ZNF440: variants seen among roughly 807,000 people sequenced by gnomAD.
ZNF440 encodes zinc finger protein 440.
ZNF440 carries 47 observed loss-of-function variants against 49.7 expected under a neutral mutation model. The ratio of observed to expected loss-of-function variants is 0.95; its 90% CI spans 0.75 to 1.21. ZNF440 has a LOEUF of 1.21. ZNF440 is among the 50% of genes most tolerant of loss of function. ZNF440 has a pLI of 0.00. For missense variants in ZNF440, 703 were observed against 715.0 expected, an observed-to-expected ratio of 0.98 and a Z score of 0.19; for synonymous variants, 255 against 237.7, an observed-to-expected ratio of 1.07 and a Z score of -0.67.
intron 1 of ZNF440, among the ~76,000 whole-genome samples, chr19:11,824,382 A>T (rs1196588622): frequency 6.6e-6 from 1 of 152,170 alleles, no homozygotes; most frequent in Non-Finnish European, 1.5e-5. Flanking sequence ...AGAATTGCAC[A>T]ATGAATTCAA....
intron 1 of ZNF440, among the ~76,000 whole-genome samples, chr19:11,821,843 A>AG (rs1402342048): frequency 6.6e-6 from 1 of 152,248 alleles, no homozygotes; most frequent in Non-Finnish European, 1.5e-5. Context: ...TGCGTAGGTC[A>AG]GTGAGACACA....
At chr19:11,824,672 T>G (rs2145123572) in intron 1 of ZNF440, among the ~76,000 whole-genome samples, 1 of 152,046 alleles carries the variant, frequency 6.6e-6, no homozygotes, top group East Asian at 1.9e-4. Flanking sequence ...AGTTCCAGCA[T>G]TTTTATTCCA....
At chr19:11,822,846 A>T (rs1253565839) in intron 1 of ZNF440, among the ~76,000 whole-genome samples, 2 of 83,212 alleles carry the variant, frequency 2.4e-5, no homozygotes, top group Non-Finnish European at 2.6e-5. Context: ...AAACTCCGTT[A>T]AAAAAAAAAA....
In ZNF440 at chr19:11,834,004, G is replaced by T. The variant is rs971341437; in HGVS notation, c.*1040G>T. On this transcript the variant is annotated 3_prime_UTR_variant, in exon 4 of 4. Coordinates refer to ENST00000304060, the MANE Select transcript of ZNF440 (RefSeq NM_152357.3). ...TAGATCAGCCTTATACTGTTAAATT[G>T]TTATTATTTGGACATTGTGAGTCAG... 1.2e-5 allele frequency: 3 copies of T among 258,528 alleles called. No individual in the cohort carries two copies. The highest frequency in any genetic ancestry group is 1.6e-5 in the Non-Finnish European group (2 of 128,496). The allele number at this position is 258,528 out of a possible 1,614,324, so 16.0% of individuals were successfully genotyped here.
At chr19:11,817,421 C>A (rs539666992) in intron 1 of ZNF440, 251 of 152,022 alleles carry the variant, frequency 1.7e-3, no homozygotes, top group Middle Eastern at 6.8e-3. Context: ...TATAGTGAAA[C>A]CCCATCTCTT....
chr19:11,820,056 G>C (rs1376025512), intron 1 of ZNF440, among the ~76,000 whole-genome samples: 1 of 152,166 alleles, frequency 6.6e-6, no homozygotes, highest in Non-Finnish European at 1.5e-5. Context: ...CACATGAGAG[G>C]AAAGCAGAGA....
chr19:11,824,812 A>G (rs1010357240), intron 1 of ZNF440, among the ~76,000 whole-genome samples: 7 of 150,890 alleles, frequency 4.6e-5, no homozygotes, highest in Non-Finnish European at 7.4e-5. Flanking sequence ...GGTTCTAGCA[A>G]TCCTTCTGCC....
chr19:11,831,387 G>A lies in ZNF440; in HGVS notation c.211G>A (p.Val71Ile). 1 of 1,608,010 alleles carries A rather than the reference G, an allele frequency of 6.2e-7. No homozygotes were observed. Among genetic ancestry groups the A allele is most frequent in the African/African-American group, 1.3e-5 (1 of 74,438 alleles). Residue 71 changes from valine (V) to isoleucine (I), a missense_variant, in exon 4 of 4, where the codon GTC becomes ATC. Physicochemically the swap from Val to Ile is conservative, Grantham distance 29 (BLOSUM62 3). Transcript: ENST00000304060. ...TGACAGGAGTCTCATAGAAGAAAAAGTCAATGAAATTAAAGATGACAGTCA... is the reference window on the plus strand; with the variant it reads ...TGACAGGAGTCTCATAGAAGAAAAAATCAATGAAATTAAAGATGACAGTCA... ...RNFRSLIEEK[V>I]NEIKDDSHCG...
In ZNF440 at chr19:11,834,998, G is replaced by A. The variant is rs1188913375; in HGVS notation, c.*2034G>A. On this transcript the variant is annotated 3_prime_UTR_variant, in exon 4 of 4. Coordinates refer to ENST00000304060, the MANE Select transcript of ZNF440 (RefSeq NM_152357.3). ...GAATATAGGAAGCAGAGGTTGCAGT[G>A]AGCCGAGGTTGCACCATTGTACTCC... 6.6e-6 allele frequency: 1 copy of A among 152,154 alleles called. No individual in the cohort carries two copies. Among genetic ancestry groups the A allele is most frequent in the Non-Finnish European group, 1.5e-5 (1 of 68,100 alleles). The allele number at this position is 152,154 out of a possible 1,614,324, so 9.4% of individuals were successfully genotyped here.
intron 1 of ZNF440, among the ~76,000 whole-genome samples, chr19:11,820,451 C>T (rs971774223): frequency 1.3e-5 from 2 of 152,132 alleles, no homozygotes; most frequent in African/African-American, 4.8e-5. Flanking sequence ...ATCTCTTGAC[C>T]TTGTGATCCG....
intron 1 of ZNF440, 161 bp from the exon 2 acceptor site, chr19:11,830,121 TG>T: frequency 7.1e-7 from 1 of 1,401,708 alleles, no homozygotes; most frequent in African/African-American, 1.5e-5. Flanking sequence ...AGTTGCTTTG[TG>T]GAAGAAAGTA....
chr19:11,820,535 T>C (rs1444925639), intron 1 of ZNF440, among the ~76,000 whole-genome samples: 1 of 152,124 alleles, frequency 6.6e-6, no homozygotes, highest in Non-Finnish European at 1.5e-5. Flanking sequence ...CACCCTCCTG[T>C]CTTTTCCAGG....
Position 11,814,538 on chromosome 19 carries a change from C to G in ZNF440, c.3+88C>G, listed in dbSNP as rs968395744. On this transcript the variant is annotated intron_variant, in intron 1 of 3. Transcript: ENST00000304060. ...CTGAGGCGGGACCCGGGCCTCCACG[C>G]GGCGACTCCGGGGTCGTGGACGCGA... The G allele has an allele frequency of 1.4e-5, 19 of 1,346,294 alleles. No homozygotes were observed. In the African/African-American group the frequency reaches 2.9e-4, roughly 21 times the overall value. The allele number at this position is 1,346,294 out of a possible 1,614,324, so 83.4% of individuals were successfully genotyped here.
chr19:11,820,253 G>T (rs1975782115), intron 1 of ZNF440, among the ~76,000 whole-genome samples: 1 of 152,088 alleles, frequency 6.6e-6, no homozygotes, highest in South Asian at 2.1e-4. Flanking sequence ...GTCTCACTCT[G>T]TCGCCCAGGC....
chr19:11,821,345 A>T (rs1274549631), intron 1 of ZNF440, among the ~76,000 whole-genome samples: 1 of 151,908 alleles, frequency 6.6e-6, no homozygotes, highest in African/African-American at 2.4e-5. Context: ...CTCCTAGTAT[A>T]CTCTGCATCT....
rs112631754 is a variant in ZNF440, at chr19:11,825,791, CT to C, written c.4-4482del. 1.2e-4 allele frequency among the ~76,000 whole-genome samples: 14 copies of C among 117,552 alleles called. No homozygotes were observed. The East Asian group carries it at 1.5e-3, about 13-fold the overall frequency. The allele number at this position is 117,552 out of a possible 152,430, so 77.1% of individuals were successfully genotyped here. The stretch of plus-strand genomic sequence containing the variant: ...GCCACCATGTCCGGCCACTGATTTT[CT>C]TTTTTTTTTCTTTTCTTTTCTTTTC... On this transcript the variant is annotated intron_variant, in intron 1 of 3. Transcript: ENST00000304060.
chr19:11,829,801 C>A (rs1975910682), intron 1 of ZNF440, among the ~76,000 whole-genome samples: 2 of 151,190 alleles, frequency 1.3e-5, no homozygotes, highest in African/African-American at 4.9e-5. Context: ...CCACTACACT[C>A]CAGCCTGGGT....
chr19:11,830,230 C>T, intron 1 of ZNF440, 53 bp from the exon 2 acceptor site: 1 of 1,610,988 alleles, frequency 6.2e-7, no homozygotes. Flanking sequence ...GAGTCTAGGC[C>T]CCCAGTGCTG....
At position 11,833,103 on chromosome 19, in the gene ZNF440, CCTTCA is replaced by C. The variant is rs1975974613; in HGVS notation, c.*144_*148del. ...AAGCAATGTGGGAAAGCCTTTGTTT[CCTTCA>C]CTTCCTTTCGATATCATGAAAGGAC... On this transcript the variant is annotated 3_prime_UTR_variant, in exon 4 of 4. Transcript: ENST00000304060. 7.0e-7 allele frequency: 1 copy of C among 1,435,510 alleles called. No individual in the cohort carries two copies. Among genetic ancestry groups the C allele is most frequent in the African/African-American group, 1.4e-5 (1 of 70,288 alleles). 88.9% of individuals were successfully genotyped at this position (1,435,510 alleles called of 1,614,324 possible).
Sources: allele counts gnomAD v4.1 joint callset (sites outside exome capture counted in the v4.1 genomes callset), GRCh38; gene constraint gnomAD v4.1.1; transcripts MANE v1.5; gene names NCBI Gene and HGNC (gene_info 2026-07-23, HGNC 2026-07-21).